The following SPEG variants were observed in gnomAD, a reference collection of about 807,000 sequenced individuals.
SPEG encodes striated muscle preferentially expressed protein kinase.
A neutral mutation model predicts 300.4 loss-of-function variants in SPEG; 114 were observed. The observed-to-expected ratio is 0.38, with a 90% CI of 0.33 to 0.44. The LOEUF is 0.44. Ranked by LOEUF, SPEG falls within the 20% of genes least tolerant of loss-of-function variation. The pLI, the probability that SPEG is intolerant of heterozygous loss-of-function variation, is 1.00. For synonymous variants in SPEG, 1,964 were observed against 2,018.9 expected (o/e 0.97, Z 0.73); for missense variants, 4,201 against 4,586.2 (o/e 0.92, Z 2.43).
chr2:219,491,960 A>C, intron 39 of SPEG, 91 bp downstream of exon 39: 1 of 1,362,908 alleles, frequency 7.3e-7, no homozygotes. Context: ...CCCGTGCCCC[A>C]CCTCCCCTGT....
At chr2:219,440,723 C>T (rs1045564527) in intron 1 of SPEG, among the ~76,000 whole-genome samples, 1 of 152,152 alleles carries the variant, frequency 6.6e-6, no homozygotes, top group Non-Finnish European at 1.5e-5. Flanking sequence ...GGAATTCTGG[C>T]TCCCTCAATT....
chr2:219,482,015 C>G, intron 28 of SPEG: 1 of 451,062 alleles, frequency 2.2e-6, no homozygotes. Context: ...CTGTCCATCT[C>G]TGTCCTGCAC....
Position 219,492,029 on chromosome 2 carries a change from G to A in SPEG, c.9462-82G>A. On this transcript the variant is annotated intron_variant, in intron 39 of 40. Coordinates refer to ENST00000312358, the MANE Select transcript of SPEG (RefSeq NM_005876.5). Reference sequence around the variant, plus strand: ...GCACAGTAGCATGGCCCTGAGCACTGTGCACCTGACACTAATGTCCTTCTG... The same window carrying A: ...GCACAGTAGCATGGCCCTGAGCACTATGCACCTGACACTAATGTCCTTCTG... 7 of 1,497,174 alleles carry A rather than the reference G, an allele frequency of 4.7e-6. No homozygotes were observed. The South Asian group carries it at 5.0e-5, about 11-fold the overall frequency. 92.7% of individuals were successfully genotyped at this position (1,497,174 alleles called of 1,614,324 possible).
rs111721488 is a variant in SPEG at position 219,451,307 on chromosome 2, G to A, written c.2257+28G>A. On this transcript the variant is annotated intron_variant, in intron 5 of 40. Transcript: ENST00000312358. This position sits in a 1 kb window ranked among gnomAD's most constrained non-coding sequence, Gnocchi z 6.4. ...GAGCTCCAGCACTGGGCCAAGGTGC[G>A]GTCGAGGTTGGGAGGGGGTGTGTGA... 7.3e-4 allele frequency: 1,152 copies of A among 1,582,152 alleles called. 3 individuals are homozygous for A. The African/African-American group carries it at 8.9e-3, about 12-fold the overall frequency.
intron 8 of SPEG, among the ~76,000 whole-genome samples, chr2:219,463,550 A>G (rs1242816204): frequency 6.6e-6 from 1 of 151,182 alleles, no homozygotes; most frequent in Non-Finnish European, 1.5e-5. Flanking sequence ...AGTAGCTGGG[A>G]TTACAGGCAT....
chr2:219,493,114 T>C lies in SPEG; in HGVS notation c.*328T>C, dbSNP rs773068485. 3.7e-5 allele frequency: 21 copies of C among 565,638 alleles called. No individual in the cohort carries two copies. The highest frequency in any genetic ancestry group is 9.8e-5 in the South Asian group (6 of 60,992). 35.0% of individuals were successfully genotyped at this position (565,638 alleles called of 1,614,324 possible). ...GGGGAGGCTCTAGGAAGGTTCTGGG[T>C]TGGGGGTCAGTGCATCTCAGGGAGA... is the stretch of plus-strand genomic sequence containing the variant. On this transcript the variant is annotated 3_prime_UTR_variant, in exon 41 of 41. Coordinates refer to ENST00000312358, the MANE Select transcript of SPEG (RefSeq NM_005876.5).
Position 219,489,761 on chromosome 2 carries a change from C to A in SPEG, c.8743C>A (p.Pro2915Thr), listed in dbSNP as rs1328869149. The part of the protein sequence containing the change: ...SFVSAPPAPE[P>T]PAPEPPPEPT... ...TGTGTCTGCACCACCAGCCCCTGAG[C>A]CCCCAGCCCCTGAGCCCCCTCCTGA... The change falls in exon 36 of 41, where the codon CCC (proline) becomes ACC (threonine). Residue 2915 changes from proline to threonine, a missense_variant. Pro to Thr is a conservative substitution (Grantham distance 38). Coordinates refer to ENST00000312358, the MANE Select transcript of SPEG (RefSeq NM_005876.5). 7 of 1,613,358 alleles carry A rather than the reference C, an allele frequency of 4.3e-6. No individual in the cohort carries two copies. Among genetic ancestry groups the A allele is most frequent in the Non-Finnish European group, 5.9e-6 (7 of 1,179,624 alleles).
In SPEG at chr2:219,491,850, G is replaced by T. The variant is rs1470088096; in HGVS notation, c.9442G>T (p.Gly3148Cys). ...CTCTGCCACGGACATCTGGGGAGCG[G>T]GTGTGCTCACTTACATTATGTGAGT... is the stretch of plus-strand genomic sequence containing the variant. ...IGSATDIWGA[G>C]VLTYIMLSGR... Residue 3148 changes from glycine (G) to cysteine (C), a missense_variant, in exon 39 of 41, where the codon GGT becomes TGT. This residue lies in a region of SPEG where 318 missense variants were observed against 429.5 expected (regional missense o/e 0.74). Coordinates refer to ENST00000312358, the MANE Select transcript of SPEG (RefSeq NM_005876.5). 6.2e-7 allele frequency: 1 copy of T among 1,611,120 alleles called. No homozygotes were observed. The highest frequency in any genetic ancestry group is 1.7e-5 in the Admixed American group (1 of 59,814).
rs1559431770 is a variant in SPEG at position 219,489,166 on chromosome 2, T to C, written c.8262T>C (p.Ala2754=). 1.2e-6 allele frequency: 2 copies of C among 1,613,886 alleles called. No homozygotes were observed. The highest frequency in any genetic ancestry group is 1.7e-6 in the Non-Finnish European group (2 of 1,179,966). The change falls in exon 35 of 41, where the codon GCT becomes GCC. Residue 2754 remains alanine, a synonymous_variant. Transcript: ENST00000312358. ...TCCGTGTGGCCTGTGCCAACCGTGC[T>C]GGGCAGGGGCCCTTCAGCAACTCTT... is the stretch of plus-strand genomic sequence containing the variant. The part of the protein sequence containing the change: ...VRFRVACANR[A]GQGPFSNSSE...
Position 219,435,246 on chromosome 2 carries a change from C to G in SPEG, c.269C>G (p.Pro90Arg). ...GQLLPAPAPE[P>R]SCLWLRRCGA... is the part of the protein sequence containing the mutation. ...CTCCTGCCCGCGCCGGCCCCCGAGC[C>G]CAGCTGCCTGTGGCTGCGGCGCTGC... The change falls in exon 1 of 41, where the codon CCC (proline) becomes CGC (arginine). Residue 90 changes from proline to arginine, a missense_variant. This residue lies in a region of SPEG where 1,258 missense variants were observed against 1,293.9 expected (regional missense o/e 0.97). Transcript: ENST00000312358. 6.7e-7 allele frequency: 1 copy of G among 1,483,276 alleles called. No individual in the cohort carries two copies. Among genetic ancestry groups the G allele is most frequent in the South Asian group, 1.3e-5 (1 of 77,928 alleles). 91.9% of individuals were successfully genotyped at this position (1,483,276 alleles called of 1,614,324 possible).
chr2:219,490,907 C>G lies in SPEG; in HGVS notation c.9336C>G (p.Pro3112=). The G allele has an allele frequency of 6.2e-7, 1 of 1,613,826 alleles. No individual in the cohort carries two copies. Among genetic ancestry groups the G allele is most frequent in the Non-Finnish European group, 8.5e-7 (1 of 1,180,044 alleles). The change falls in exon 38 of 41, where the codon CCC becomes CCG. Residue 3112 remains proline, a synonymous_variant. Coordinates refer to ENST00000312358, the MANE Select transcript of SPEG (RefSeq NM_005876.5). ...VDFGSAQPYN[P]QALRPLGHRT... ...TTGGCAGTGCCCAGCCCTACAACCC[C>G]CAGGCCCTTAGGCCCCTTGGCCACC...
At position 219,449,334 on chromosome 2, in the gene SPEG, C is replaced by T. The variant is rs1444972778; in HGVS notation, c.2113+63C>T. On this transcript the variant is annotated intron_variant, in intron 4 of 40. Coordinates refer to ENST00000312358, the MANE Select transcript of SPEG (RefSeq NM_005876.5). Reference sequence around the variant, plus strand: ...CCCGTCGGGGGGCGTTTGTGGAGAGCAAGACTGCTCAGCAGGAGCCGGGGG... The same window carrying T: ...CCCGTCGGGGGGCGTTTGTGGAGAGTAAGACTGCTCAGCAGGAGCCGGGGG... 7 of 1,255,764 alleles carry T rather than the reference C, an allele frequency of 5.6e-6. No homozygotes were observed. In the East Asian group the frequency reaches 1.6e-4, roughly 28 times the overall value. The allele number at this position is 1,255,764 out of a possible 1,614,324, so 77.8% of individuals were successfully genotyped here. A position where few individuals can be genotyped will look rare whatever the true frequency, so the allele number is the denominator to read the frequency against.
Position 219,484,130 on chromosome 2 carries a change from G to C in SPEG, c.6667G>C (p.Val2223Leu), listed in dbSNP as rs762571594. The C allele has an allele frequency of 2.5e-6, 4 of 1,613,280 alleles. No individual in the cohort carries two copies. In the South Asian group the frequency reaches 4.4e-5, roughly 18 times the overall value. Residue 2223 changes from valine to leucine, a missense_variant, in exon 30 of 41, where the codon GTC (valine) becomes CTC (leucine). This residue lies in a region of SPEG where 1,578 missense variants were observed against 1,506.0 expected (regional missense o/e 1.05). Coordinates refer to ENST00000312358, the MANE Select transcript of SPEG (RefSeq NM_005876.5). ...DKAPEPRPEP[V>L]RASKPAPPPQ... is the part of the protein sequence containing the mutation. ...GGCTCCAGAGCCCAGGCCAGAACCAGTCCGAGCCTCCAAGCCTGCACCACC... is the reference window on the plus strand; with the variant it reads ...GGCTCCAGAGCCCAGGCCAGAACCACTCCGAGCCTCCAAGCCTGCACCACC...
chr2:219,434,949 G>A lies in SPEG; in HGVS notation c.-29G>A, dbSNP rs1423108652. 6.8e-7 allele frequency: 1 copy of A among 1,477,014 alleles called. No individual in the cohort carries two copies. The highest frequency in any genetic ancestry group is 8.9e-7 in the Non-Finnish European group (1 of 1,123,028). 91.5% of individuals were successfully genotyped at this position (1,477,014 alleles called of 1,614,324 possible). On this transcript the variant is annotated 5_prime_UTR_variant, in exon 1 of 41. Transcript: ENST00000312358. Reference sequence around the variant, plus strand: ...GTGCCCCCGTGGCCGCCCAGTTCCGGCGTCCCCCCAGCCCAGCTCTCAGTG... The same window carrying A: ...GTGCCCCCGTGGCCGCCCAGTTCCGACGTCCCCCCAGCCCAGCTCTCAGTG...
rs1369138894 is a variant in SPEG, at chr2:219,443,062, G to T, written c.389-1591G>T. On this transcript the variant is annotated intron_variant, in intron 1 of 40. Coordinates refer to ENST00000312358, the MANE Select transcript of SPEG (RefSeq NM_005876.5). The surrounding 1 kb of genome is among the most constrained non-coding windows in gnomAD (Gnocchi z 4.6). ...TGGATGGGAGGCACAGGGACCTTAG[G>T]AACAAGCCTCCCCCTCAACTACTCA... 6 of 1,569,210 alleles carry T rather than the reference G, an allele frequency of 3.8e-6. No homozygotes were observed. The South Asian group carries it at 6.8e-5, about 18-fold the overall frequency.
rs1034764926 is a variant in SPEG, at chr2:219,443,451, C to G, written c.389-1202C>G. On this transcript the variant is annotated intron_variant, in intron 1 of 40. Coordinates refer to ENST00000312358, the MANE Select transcript of SPEG (RefSeq NM_005876.5). This position sits in a 1 kb window ranked among gnomAD's most constrained non-coding sequence, Gnocchi z 4.6. ...ATGCTTTGGCAACCAGTACGTGGCT[C>G]CTGCTTGTCATGGCAGCCAGAGGGA... The G allele has an allele frequency of 4.6e-5, 21 of 451,798 alleles. No homozygotes were observed. Among genetic ancestry groups the G allele is most frequent in the Non-Finnish European group, 6.4e-5 (16 of 249,900 alleles). The allele number at this position is 451,798 out of a possible 1,614,324, so 28.0% of individuals were successfully genotyped here.
At chr2:219,442,209 GC>G in intron 1 of SPEG, 1 of 566,886 alleles carries the variant, frequency 1.8e-6, no homozygotes, top group Non-Finnish European at 2.5e-6. Flanking sequence ...CCCCACCCGA[GC>G]CCCGCCGAGG....
At position 219,451,911 on chromosome 2, in the gene SPEG, G is replaced by T. The variant is rs1259897552; in HGVS notation, c.2440+104G>T. ...TTCCCACTCTCAGCCTTGAGCTTGG[G>T]CACCCCGCCAGCATACTTAGTCCAT... On this transcript the variant is annotated intron_variant, in intron 6 of 40. Transcript: ENST00000312358. The surrounding 1 kb of genome is among the most constrained non-coding windows in gnomAD (Gnocchi z 6.4). The T allele has an allele frequency of 9.7e-6, 12 of 1,232,318 alleles. No individual in the cohort carries two copies. The highest frequency in any genetic ancestry group is 5.6e-4 in the Middle Eastern group (2 of 3,592). 76.3% of individuals were successfully genotyped at this position (1,232,318 alleles called of 1,614,324 possible).
At position 219,483,749 on chromosome 2, in the gene SPEG, G is replaced by C; in HGVS notation, c.6286G>C (p.Gly2096Arg). The C allele has an allele frequency of 4.5e-6, 7 of 1,541,388 alleles. No individual in the cohort carries two copies. Among genetic ancestry groups the C allele is most frequent in the Non-Finnish European group, 6.1e-6 (7 of 1,150,384 alleles). ...GLRGPLLESL[G>R]GRARDPRMAR... ...CAGGGGTCCCCTGCTGGAGAGCCTG[G>C]GGGGCCGTGCTCGGGACCCCCGGAT... Residue 2096 changes from glycine (G) to arginine (R), a missense_variant, in exon 30 of 41, where the codon GGG becomes CGG. By Grantham distance (125) the Gly-to-Arg change is moderately radical. Transcript: ENST00000312358.
Sources: allele counts gnomAD v4.1 joint callset (sites outside exome capture counted in the v4.1 genomes callset), GRCh38; gene constraint gnomAD v4.1.1; regional missense constraint gnomAD v4.1.1; non-coding constraint Gnocchi (gnomAD v3.1); transcripts MANE v1.5; gene names NCBI Gene and HGNC (gene_info 2026-07-23, HGNC 2026-07-21).